PALM2AKAP2: variants seen among roughly 807,000 people sequenced by gnomAD.
PALM2AKAP2 encodes PALM2 and AKAP2 fusion, also known as PALM2-AKAP2 fusion protein.
Under a neutral mutation model 71.5 loss-of-function variants are expected in PALM2AKAP2, and 37 were observed. That is an observed-to-expected ratio of 0.52 (90% CI 0.40 to 0.68). PALM2AKAP2 has a LOEUF of 0.68. PALM2AKAP2 is among the 30% of genes least tolerant of loss of function. PALM2AKAP2 has a pLI of 0.00. For synonymous variants in PALM2AKAP2, 468 were observed against 478.8 expected, an observed-to-expected ratio of 0.98 and a Z score of 0.29; for missense variants, 1,224 against 1,191.8, an observed-to-expected ratio of 1.03 and a Z score of -0.40.
intron 3 of PALM2AKAP2, among the ~76,000 whole-genome samples, chr9:109,907,928 G>A (rs753648253): frequency 6.6e-6 from 1 of 152,196 alleles, no homozygotes; most frequent in Non-Finnish European, 1.5e-5. Flanking sequence ...GTACAATTAA[G>A]TCGTCATCTC....
chr9:109,669,826 T>C (rs942281546), intron 1 of PALM2AKAP2, among the ~76,000 whole-genome samples: 5 of 152,016 alleles, frequency 3.3e-5, no homozygotes, highest in African/African-American at 1.2e-4. Flanking sequence ...TTGTTTCTTT[T>C]CTATTAATTT....
chr9:109,907,709 C>G (rs1830480179), intron 3 of PALM2AKAP2, among the ~76,000 whole-genome samples: 1 of 152,228 alleles, frequency 6.6e-6, no homozygotes, highest in Non-Finnish European at 1.5e-5. Flanking sequence ...CTTACAATAA[C>G]TCTGGAATTA....
intron 1 of PALM2AKAP2, among the ~76,000 whole-genome samples, chr9:110,097,907 C>T (rs532894445): frequency 7.1e-6 from 1 of 140,730 alleles, no homozygotes; most frequent in South Asian, 2.2e-4. Context: ...GTCTGCAATC[C>T]CGGCACCTCG....
chr9:110,136,176 A>C (rs1221985849), exon 2 of PALM2AKAP2: 1 of 1,607,268 alleles, frequency 6.2e-7, no homozygotes. Context: ...AGCGAGGGAG[A>C]CAACTATAGT....
At position 110,111,086 on chromosome 9, in the gene PALM2AKAP2, CTTT is replaced by C. The variant is rs34958946; in HGVS notation, c.157-25020_157-25018del. 1.1e-3 allele frequency among the ~76,000 whole-genome samples: 91 copies of C among 84,180 alleles called. 1 individual carries two copies. Among genetic ancestry groups the C allele is most frequent in the African/African-American group, 4.0e-3 (81 of 20,328 alleles). 55.2% of individuals were successfully genotyped at this position (84,180 alleles called of 152,430 possible). A position where few individuals can be genotyped will look rare whatever the true frequency, so the allele number is the denominator to read the frequency against. Reference sequence around the variant, plus strand: ...TCCTTTTTTCTTTTCTTTCTTTCTTCTTTTTTTTTTTTTTTTTTTTTTTGAGAC... The same window carrying C: ...TCCTTTTTTCTTTTCTTTCTTTCTTCTTTTTTTTTTTTTTTTTTTTGAGAC... On this transcript the variant is annotated intron_variant, in intron 1 of 3. Coordinates refer to ENST00000374525, the Ensembl canonical transcript of PALM2AKAP2.
chr9:109,835,577 G>A (rs1202783500), intron 1 of PALM2AKAP2, among the ~76,000 whole-genome samples: 4 of 152,140 alleles, frequency 2.6e-5, no homozygotes, highest in Non-Finnish European at 5.9e-5. Flanking sequence ...AAAGCAGGGC[G>A]AGGCATCGCC....
chr9:109,832,254 C>T (rs937053798), intron 1 of PALM2AKAP2, among the ~76,000 whole-genome samples: 1 of 152,230 alleles, frequency 6.6e-6, no homozygotes, highest in South Asian at 2.1e-4. Flanking sequence ...TCGTTGCCTA[C>T]GTTCAAGTCC....
At chr9:109,866,898 C>T (rs1162246060) in intron 1 of PALM2AKAP2, 6 of 390,908 alleles carry the variant, frequency 1.5e-5, no homozygotes, top group African/African-American at 1.0e-4. Context: ...CTGCCCCACC[C>T]ACATGAAATG....
At chr9:109,945,204 G>A (rs1831475456) in intron 6 of PALM2AKAP2, 1 of 151,858 alleles carries the variant, frequency 6.6e-6, no homozygotes, top group Non-Finnish European at 1.5e-5. Context: ...TGAAATAATT[G>A]CATTTTAATG....
At chr9:109,958,538 C>A (rs1418701287) in intron 6 of PALM2AKAP2, among the ~76,000 whole-genome samples, 1 of 151,578 alleles carries the variant, frequency 6.6e-6, no homozygotes, top group Non-Finnish European at 1.5e-5. Flanking sequence ...GGACGCCAAC[C>A]TCAGGAGTAT....
chr9:109,854,392 C>G (rs1472657879), intron 1 of PALM2AKAP2, among the ~76,000 whole-genome samples: 9 of 152,214 alleles, frequency 5.9e-5, no homozygotes, highest in Admixed American at 5.2e-4. Context: ...AGAAACATCC[C>G]TCTGGCCACA....
intron 2 of PALM2AKAP2, among the ~76,000 whole-genome samples, chr9:110,145,311 G>T (rs1587857615): frequency 6.6e-6 from 1 of 152,182 alleles, no homozygotes; most frequent in African/African-American, 2.4e-5. Flanking sequence ...GATCTGAGCG[G>T]ATAGCCAAGG....
At chr9:110,171,417 A>G (rs1025425706) in exon 4 of PALM2AKAP2, 1 of 152,162 alleles carries the variant, frequency 6.6e-6, no homozygotes, top group Admixed American at 6.5e-5. Flanking sequence ...TATTACTCCT[A>G]TGCTGCCTTC....
chr9:110,022,813 G>A (rs1185217431), intron 7 of PALM2AKAP2, among the ~76,000 whole-genome samples: 3 of 151,790 alleles, frequency 2.0e-5, no homozygotes, highest in Non-Finnish European at 4.4e-5. Context: ...CCACCTATGA[G>A]TGAGAACATG....
intron 1 of PALM2AKAP2, among the ~76,000 whole-genome samples, chr9:109,723,089 C>A (rs1313164525): frequency 6.6e-6 from 1 of 152,170 alleles, no homozygotes; most frequent in Non-Finnish European, 1.5e-5. Context: ...ACTTTGTATT[C>A]CCTGGGCATG....
intron 1 of PALM2AKAP2, among the ~76,000 whole-genome samples, chr9:109,703,721 G>A (rs915695714): frequency 6.9e-5 from 10 of 145,754 alleles, no homozygotes; most frequent in Non-Finnish European, 1.4e-4. Context: ...CAGTGTGATT[G>A]TGTTTCATGA....
exon 2 of PALM2AKAP2, chr9:110,138,291 CGGA>C: frequency 2.5e-6 from 4 of 1,614,226 alleles, no homozygotes; most frequent in Non-Finnish European, 2.5e-6. Flanking sequence ...AGCAAGTACT[CGGA>C]GGCAGCTGAG....
rs763531763 is a variant in PALM2AKAP2 at position 109,943,078 on chromosome 9, C to T, written c.496+11050C>T. 1.3e-5 allele frequency: 21 copies of T among 1,614,124 alleles called. No individual in the cohort carries two copies. The Admixed American group carries it at 2.8e-4, about 22-fold the overall frequency. ...GAACCCAGGGCAGCAGGCCCAAGCC[C>T]CCAGCGCTGCAGGGCCGGAGGCAAA... is the stretch of plus-strand genomic sequence containing the variant. On this transcript the variant is annotated intron_variant, in intron 6 of 9. Transcript: ENST00000302798.
intron 1 of PALM2AKAP2, among the ~76,000 whole-genome samples, chr9:109,854,997 A>T (rs374859353): frequency 7.2e-4 from 109 of 151,958 alleles, no homozygotes; most frequent in African/African-American, 2.6e-3. Context: ...CTTCATCTCC[A>T]GACCTTGTGA....
Sources: gnomAD v4.1 joint callset for allele counts (sites outside exome capture counted in the v4.1 genomes callset) on GRCh38, gnomAD v4.1.1 for gene constraint, MANE v1.5 for transcripts, NCBI Gene and HGNC (gene_info 2026-07-23, HGNC 2026-07-21) for gene names.